The following TCEA2 variants were observed in gnomAD, a reference collection of about 807,000 sequenced individuals.
The protein encoded by TCEA2 is transcription elongation factor A2.
In TCEA2, 21 loss-of-function variants were observed where a neutral mutation model predicts 40.8. The observed-to-expected ratio is 0.51, with a 90% confidence interval of 0.36 to 0.74. The LOEUF (loss-of-function observed/expected upper bound fraction) is 0.74. Among genes scored for constraint, TCEA2 ranks in the 30% least tolerant of loss-of-function variants. TCEA2 has a pLI of 0.00. For missense variants in TCEA2, 326 were observed against 426.5 expected (o/e 0.76, Z 2.08); for synonymous variants, 165 against 162.7 (o/e 1.01, Z -0.11).
Position 64,063,520 on chromosome 20 carries a change from C to T in TCEA2, c.72+136C>T, listed in dbSNP as rs976475159. On this transcript the variant is annotated intron_variant, in intron 1 of 9. Transcript: ENST00000343484. ...CCTCCCCGGCAGAGACTAACCGGGA[C>T]GCAGGGGAGACCCCCACCCGTGGCC... is the stretch of plus-strand genomic sequence containing the variant. 10 of 1,033,924 alleles carry T rather than the reference C, an allele frequency of 9.7e-6. No homozygotes were observed. In the African/African-American group the frequency reaches 1.5e-4, roughly 15 times the overall value. The allele number at this position is 1,033,924 out of a possible 1,614,324, so 64.0% of individuals were successfully genotyped here.
In TCEA2 at chr20:64,072,171, G is replaced by C; in HGVS notation, c.892-1G>C. 3 of 1,613,720 alleles carry C rather than the reference G, an allele frequency of 1.9e-6. No individual in the cohort carries two copies. Among genetic ancestry groups the C allele is most frequent in the Non-Finnish European group, 2.5e-6 (3 of 1,179,840 alleles). On this transcript the variant is annotated splice_acceptor_variant, in intron 9 of 9. Coordinates refer to ENST00000343484, the MANE Select transcript of TCEA2 (RefSeq NM_003195.6). LOFTEE classifies it high-confidence loss of function. Reference sequence around the variant, plus strand: ...TGGAGGCCTCACCCCCTTTCTCGCAGTTCTGCTGACCCCTCGTGTAGATGT... The same window carrying C: ...TGGAGGCCTCACCCCCTTTCTCGCACTTCTGCTGACCCCTCGTGTAGATGT...
At chr20:64,069,015 G>C (rs1237201687) in intron 4 of TCEA2, among the ~76,000 whole-genome samples, 2 of 152,262 alleles carry the variant, frequency 1.3e-5, no homozygotes, top group Non-Finnish European at 2.9e-5. Context: ...CCCAGTGGGT[G>C]GGCACCCCAG....
rs367941426 is a variant in TCEA2 at position 64,066,910 on chromosome 20, C to G, written c.136-5C>G. On this transcript the variant is annotated splice_polypyrimidine_tract_variant and splice_region_variant and intron_variant, in intron 2 of 9. Transcript: ENST00000343484. ...CTCCCCCAACCCAGACCACTTGCCTCGTAGTCCACCCGAGTCGGGATGTCT... is the reference window on the plus strand; with the variant it reads ...CTCCCCCAACCCAGACCACTTGCCTGGTAGTCCACCCGAGTCGGGATGTCT... 1 of 1,613,530 alleles carries G rather than the reference C, an allele frequency of 6.2e-7. No homozygotes were observed. Among genetic ancestry groups the G allele is most frequent in the Non-Finnish European group, 8.5e-7 (1 of 1,179,714 alleles).
chr20:64,063,474 C>G, intron 1 of TCEA2, 90 bp downstream of exon 1: 1 of 1,411,616 alleles, frequency 7.1e-7, no homozygotes, highest in South Asian at 1.2e-5. Context: ...CGGAAGACGA[C>G]CTGAGGGGCA....
chr20:64,064,571 C>G (rs1038317311), intron 1 of TCEA2, among the ~76,000 whole-genome samples: 1 of 152,148 alleles, frequency 6.6e-6, no homozygotes, highest in Non-Finnish European at 1.5e-5. Flanking sequence ...CCAGGCCAGC[C>G]CAGGGCGGTG....
intron 9 of TCEA2, 25 bp downstream of exon 9, chr20:64,071,966 C>T (rs1344238688): frequency 6.2e-7 from 1 of 1,613,456 alleles, no homozygotes; most frequent in South Asian, 1.1e-5. Flanking sequence ...TCAGGCTGCC[C>T]CTCCCAGCTC....
chr20:64,068,275 C>T, intron 4 of TCEA2, 141 bp downstream of exon 4: 2 of 749,034 alleles, frequency 2.7e-6, no homozygotes, highest in Admixed American at 4.8e-5. Flanking sequence ...TGGACACCAG[C>T]CTTGTGGTGT....
chr20:64,061,197 T>A (rs1470580379), upstream of TCEA2, among the ~76,000 whole-genome samples: 1 of 143,058 alleles, frequency 7.0e-6, no homozygotes. Flanking sequence ...GCCTCCTGGG[T>A]TCAAGTGATT....
In TCEA2 at chr20:64,069,788, G is replaced by C; in HGVS notation, c.484G>C (p.Asp162His). The change falls in exon 6 of 10, where the codon GAC (aspartate) becomes CAC (histidine). Residue 162 changes from aspartate (D) to histidine (H), a missense_variant. Coordinates refer to ENST00000343484, the MANE Select transcript of TCEA2 (RefSeq NM_003195.6). ...TDHDHVAIGA[D>H]CERLSAQIEE... ...AGATGACCACGTGGCCATCGGTGCG[G>C]ACTGCGAGCGCCTGTCGGCTCAGAT... 6.2e-7 allele frequency: 1 copy of C among 1,613,704 alleles called. No homozygotes were observed. The highest frequency in any genetic ancestry group is 8.5e-7 in the Non-Finnish European group (1 of 1,179,686).
chr20:64,068,076 G>C lies in TCEA2; in HGVS notation c.271G>C (p.Gly91Arg). 4 of 1,608,508 alleles carry C rather than the reference G, an allele frequency of 2.5e-6. No individual in the cohort carries two copies. The highest frequency in any genetic ancestry group is 3.4e-6 in the Non-Finnish European group (4 of 1,177,838). ...TTCCGATGCCAAAGCCAGGGAGCGGGGGAGGGGCATGCCTCTGCCCACGTC... is the reference window on the plus strand; with the variant it reads ...TTCCGATGCCAAAGCCAGGGAGCGGCGGAGGGGCATGCCTCTGCCCACGTC... ...DASDAKARERGRGMPLPTSSR... is the reference protein window; with the variant it reads ...DASDAKARERRRGMPLPTSSR... The change falls in exon 4 of 10, where the codon GGG becomes CGG. Residue 91 changes from glycine to arginine, a missense_variant. By Grantham distance (125) the Gly-to-Arg change is moderately radical (BLOSUM62 -2). Coordinates refer to ENST00000343484, the MANE Select transcript of TCEA2 (RefSeq NM_003195.6).
intron 3 of TCEA2, 68 bp downstream of exon 3, chr20:64,067,088 AG>A (rs1466238136): frequency 7.4e-6 from 11 of 1,480,376 alleles, no homozygotes; most frequent in Non-Finnish European, 1.0e-5. Flanking sequence ...CTTGCTGGTC[AG>A]CACAGTGTAG....
chr20:64,062,039 C>G (rs1448471879), upstream of TCEA2, among the ~76,000 whole-genome samples: 11 of 152,258 alleles, frequency 7.2e-5, no homozygotes, highest in Non-Finnish European at 1.3e-4. Flanking sequence ...TAAGATGAGT[C>G]TCTTAACTGA....
Position 64,067,153 on chromosome 20 carries a change from A to T in TCEA2, c.241+133A>T, listed in dbSNP as rs2059714767. ...GTCGCTTGGGAGTGGGGCAGTGGCA[A>T]ACCCAGACCATGAAGCGCCCAGCTT... On this transcript the variant is annotated intron_variant, in intron 3 of 9. Transcript: ENST00000343484. The T allele has an allele frequency of 4.8e-5, 42 of 873,924 alleles. 1 individual carries two copies. The South Asian group carries it at 6.2e-4, about 13-fold the overall frequency. 54.1% of individuals were successfully genotyped at this position (873,924 alleles called of 1,614,324 possible). A position where few individuals can be genotyped will look rare whatever the true frequency, so the allele number is the denominator to read the frequency against.
At chr20:64,071,741 C>A in intron 8 of TCEA2, 129 bp from the exon 9 acceptor site, 3 of 1,056,990 alleles carry the variant, frequency 2.8e-6, no homozygotes, top group African/African-American at 3.2e-5. Context: ...GTTGGAGTCA[C>A]GAGGCGGCCT....
upstream of TCEA2, among the ~76,000 whole-genome samples, chr20:64,061,257 C>T (rs1195307299): frequency 2.6e-4 from 39 of 148,064 alleles, no homozygotes; most frequent in Non-Finnish European, 5.1e-4. Flanking sequence ...TGTGCCACCA[C>T]GCCCGGCTAA....
rs1169706394 is a variant in TCEA2 at position 64,067,130 on chromosome 20, C to T, written c.241+110C>T. ...TGGCAGTGTCCACCCTGAGCCAGGT[C>T]GCTTGGGAGTGGGGCAGTGGCAAAC... On this transcript the variant is annotated intron_variant, in intron 3 of 9. Transcript: ENST00000343484. 6 of 1,202,588 alleles carry T rather than the reference C, an allele frequency of 5.0e-6. No individual in the cohort carries two copies. In the African/African-American group the frequency reaches 6.1e-5, roughly 12 times the overall value. 74.5% of individuals were successfully genotyped at this position (1,202,588 alleles called of 1,614,324 possible).
exon 1 of TCEA2, chr20:64,057,494 G>A (rs1272524187): frequency 2.6e-5 from 4 of 152,308 alleles, no homozygotes; most frequent in East Asian, 1.9e-4. Flanking sequence ...TGCCGAGGGC[G>A]GGAGTAGGGG....
At chr20:64,065,442 T>A (rs904948691) in intron 1 of TCEA2, 6 of 152,052 alleles carry the variant, frequency 3.9e-5, no homozygotes, top group Non-Finnish European at 7.3e-5. Context: ...CATGCACGTG[T>A]TACAGAGGAG....
At chr20:64,069,984 G>A in intron 6 of TCEA2, 163 bp downstream of exon 6, 1 of 965,562 alleles carries the variant, frequency 1.0e-6, no homozygotes, top group East Asian at 2.6e-5. Context: ...CACCTCAGGA[G>A]GGCCCCCGGA....
Sources: gnomAD v4.1 joint callset for allele counts (sites outside exome capture counted in the v4.1 genomes callset) on GRCh38, gnomAD v4.1.1 for gene constraint, MANE v1.5 for transcripts, NCBI Gene and HGNC (gene_info 2026-07-23, HGNC 2026-07-21) for gene names.